Variants in ACSL1 observed in about 807,000 individuals in gnomAD.
ACSL1 encodes the protein acyl-CoA synthetase long chain family member 1.
In ACSL1, 41 loss-of-function variants were observed where a neutral mutation model predicts 98.4. The observed-to-expected ratio is 0.42, with a 90% CI of 0.32 to 0.54. The LOEUF (loss-of-function observed/expected upper bound fraction) is 0.54. Ranked by LOEUF, ACSL1 falls within the 20% of genes least tolerant of loss-of-function variation. The pLI is 0.13. For missense variants in ACSL1, 734 were observed against 883.1 expected (o/e 0.83, Z 2.14); for synonymous variants, 316 against 322.7 (o/e 0.98, Z 0.22).
intron 7 of ACSL1, 138 bp from the exon 8 acceptor site, chr4:184,774,013 T>A: frequency 1.1e-6 from 1 of 911,842 alleles, no homozygotes; most frequent in Non-Finnish European, 1.7e-6. Flanking sequence ...ATTTTCTAAT[T>A]AAAGAAACTA....
chr4:184,756,662 CA>C lies in ACSL1; in HGVS notation c.*462del, dbSNP rs1762154004. 6.5e-6 allele frequency: 1 copy of C among 153,178 alleles called. No individual in the cohort carries two copies. Among genetic ancestry groups the C allele is most frequent in the Non-Finnish European group, 1.5e-5 (1 of 68,472 alleles). 9.5% of individuals were successfully genotyped at this position (153,178 alleles called of 1,614,324 possible). The stretch of plus-strand genomic sequence containing the variant: ...TGGTCCGCTTGTGAGATTCTCCAGC[CA>C]GGACAGTTGTTCTTATTTTTAAAGG... On this transcript the variant is annotated 3_prime_UTR_variant, in exon 21 of 21. Coordinates refer to ENST00000281455, the MANE Select transcript of ACSL1 (RefSeq NM_001995.5).
At chr4:184,792,120 T>G (rs1768476967) in intron 2 of ACSL1, among the ~76,000 whole-genome samples, 1 of 152,078 alleles carries the variant, frequency 6.6e-6, no homozygotes, top group Non-Finnish European at 1.5e-5. Flanking sequence ...TAAATCAAAG[T>G]TAAAGAAGTG....
At chr4:184,777,016 C>T in intron 5 of ACSL1, 33 bp from the exon 6 acceptor site, 1 of 1,572,814 alleles carries the variant, frequency 6.4e-7, no homozygotes, top group Non-Finnish European at 8.7e-7. Flanking sequence ...GGAGAGAAAA[C>T]AGGATGTCAT....
chr4:184,766,939 G>A lies in ACSL1; in HGVS notation c.1129-183C>T, dbSNP rs1333589367. 6.6e-6 allele frequency among the ~76,000 whole-genome samples: 1 copy of A among 152,146 alleles called. No homozygotes were observed. The highest frequency in any genetic ancestry group is 1.5e-5 in the Non-Finnish European group (1 of 68,020). On this transcript the variant is annotated intron_variant, in intron 12 of 20. Coordinates refer to ENST00000281455, the MANE Select transcript of ACSL1 (RefSeq NM_001995.5). This position sits in a 1 kb window ranked among gnomAD's most constrained non-coding sequence, Gnocchi z 4.8. ...CACAGGACAGCAATTCCACACCTCG[G>A]TATACACCCAGGAGCAATGGACACA...
intron 1 of ACSL1, among the ~76,000 whole-genome samples, chr4:184,816,617 T>C (rs966986693): frequency 6.6e-6 from 1 of 152,162 alleles, no homozygotes; most frequent in Non-Finnish European, 1.5e-5. Context: ...TATTCAAAAG[T>C]AGACACAGAA....
chr4:184,792,998 G>A (rs184991281), intron 2 of ACSL1, among the ~76,000 whole-genome samples: 21 of 152,170 alleles, frequency 1.4e-4, no homozygotes, highest in East Asian at 1.4e-3. Context: ...TGGCCCTTAC[G>A]GCCTTCTGAC....
chr4:184,801,818 T>C (rs1770576355), intron 2 of ACSL1, among the ~76,000 whole-genome samples: 1 of 152,250 alleles, frequency 6.6e-6, no homozygotes, highest in African/African-American at 2.4e-5. Flanking sequence ...TATGTAATTA[T>C]TTTAACAAGG....
chr4:184,765,610 T>C (rs1263797589), intron 14 of ACSL1, among the ~76,000 whole-genome samples: 1 of 152,070 alleles, frequency 6.6e-6, no homozygotes, highest in Non-Finnish European at 1.5e-5. Flanking sequence ...CAATGTATCA[T>C]ATACTTGAAA....
intron 1 of ACSL1, among the ~76,000 whole-genome samples, chr4:184,822,257 C>G (rs1194577274): frequency 6.6e-6 from 1 of 152,026 alleles, no homozygotes; most frequent in African/African-American, 2.4e-5. Flanking sequence ...TCCAGATGAT[C>G]ACATCCTTCT....
At chr4:184,761,308 G>C (rs1378846251) in intron 17 of ACSL1, among the ~76,000 whole-genome samples, 1 of 152,202 alleles carries the variant, frequency 6.6e-6, no homozygotes, top group African/African-American at 2.4e-5. Context: ...GCTCTAAATA[G>C]TTTGGGTATT....
chr4:184,760,519 G>T lies in ACSL1; in HGVS notation c.1639-19C>A, dbSNP rs760447509. ...TGCCATTCTGTTGATCAGAGGGGAG[G>T]GGGTTATGAATGGGCTGATGGCTGG... is the stretch of plus-strand genomic sequence containing the variant. On this transcript the variant is annotated intron_variant, in intron 17 of 20. Coordinates refer to ENST00000281455, the MANE Select transcript of ACSL1 (RefSeq NM_001995.5). The T allele has an allele frequency of 6.2e-7, 1 of 1,613,648 alleles. No homozygotes were observed. The highest frequency in any genetic ancestry group is 1.1e-5 in the South Asian group (1 of 91,002).
At chr4:184,806,235 C>T (rs182910174) in intron 1 of ACSL1, among the ~76,000 whole-genome samples, 11 of 152,232 alleles carry the variant, frequency 7.2e-5, no homozygotes, top group Admixed American at 3.3e-4. Context: ...GTACACCAGG[C>T]GGGATAAGCA....
chr4:184,766,613 A>C lies in ACSL1; in HGVS notation c.1263+9T>G. ...TCCATGGGAGCAGTGGCTGTGAGTCACGTGTTACCTGTACTTTGTGGAAGA... is the reference window on the plus strand; with the variant it reads ...TCCATGGGAGCAGTGGCTGTGAGTCCCGTGTTACCTGTACTTTGTGGAAGA... On this transcript the variant is annotated intron_variant, in intron 13 of 20. Coordinates refer to ENST00000281455, the MANE Select transcript of ACSL1 (RefSeq NM_001995.5). The surrounding 1 kb of genome is among the most constrained non-coding windows in gnomAD (Gnocchi z 4.8). 1 of 1,609,892 alleles carries C rather than the reference A, an allele frequency of 6.2e-7. No homozygotes were observed. The highest frequency in any genetic ancestry group is 8.5e-7 in the Non-Finnish European group (1 of 1,176,756).
chr4:184,768,453 A>G lies in ACSL1; in HGVS notation c.994-3T>C, dbSNP rs1348953224. On this transcript the variant is annotated splice_region_variant and splice_polypyrimidine_tract_variant and intron_variant, in intron 11 of 20. Coordinates refer to ENST00000281455, the MANE Select transcript of ACSL1 (RefSeq NM_001995.5). ...GCTCCATGACACAGCATTACACACT[A>G]TAGGGGTAATGGAAAAAACAAACAT... 1 of 1,604,116 alleles carries G rather than the reference A, an allele frequency of 6.2e-7. No individual in the cohort carries two copies. The highest frequency in any genetic ancestry group is 8.5e-7 in the Non-Finnish European group (1 of 1,176,944).
chr4:184,772,295 T>C (rs2150316295), intron 10 of ACSL1, among the ~76,000 whole-genome samples: 1 of 152,350 alleles, frequency 6.6e-6, no homozygotes, highest in South Asian at 2.1e-4. Context: ...AGATCAGTTT[T>C]CTGCAGCCAC....
In ACSL1 at chr4:184,757,706, C is replaced by T. The variant is rs780162121; in HGVS notation, c.1885G>A (p.Asp629Asn). 21 of 1,613,636 alleles carry T rather than the reference C, an allele frequency of 1.3e-5. No individual in the cohort carries two copies. The change falls in exon 20 of 21, where the codon GAT (aspartate) becomes AAT (asparagine). Residue 629 changes from aspartate to asparagine, a missense_variant and splice_region_variant. Coordinates refer to ENST00000281455, the MANE Select transcript of ACSL1 (RefSeq NM_001995.5). The surrounding 1 kb of genome is among the most constrained non-coding windows in gnomAD (Gnocchi z 4.5). Reference protein sequence around the residue: ...GSFEELCRNKDVKKAILEDMV... With the variant: ...GSFEELCRNKNVKKAILEDMV... ...TCTTCGAGGATAGCTTTTTTGACAT[C>T]CTAAAAGGGTAAGAAAAATAAATTA...
At chr4:184,800,697 C>A (rs1770345019) in intron 2 of ACSL1, among the ~76,000 whole-genome samples, 1 of 152,182 alleles carries the variant, frequency 6.6e-6, no homozygotes, top group East Asian at 1.9e-4. Flanking sequence ...GACACAAGGA[C>A]GTGGTTCTCC....
At position 184,776,387 on chromosome 4, in the gene ACSL1, G is replaced by A. The variant is rs79988684; in HGVS notation, c.756+97C>T. ...TGCGGAGGCAACCGGCCAGCGCTGG[G>A]ACTGCACCATAGCACTAGATAGCAC... On this transcript the variant is annotated intron_variant, in intron 7 of 20. Transcript: ENST00000281455. 9.5e-5 allele frequency: 132 copies of A among 1,385,880 alleles called. No homozygotes were observed. In the East Asian group the frequency reaches 2.8e-3, roughly 29 times the overall value. The allele number at this position is 1,385,880 out of a possible 1,614,324, so 85.8% of individuals were successfully genotyped here. A position where few individuals can be genotyped will look rare whatever the true frequency, so the allele number is the denominator to read the frequency against.
chr4:184,783,883 T>G, intron 4 of ACSL1, 44 bp downstream of exon 4: 3 of 1,558,070 alleles, frequency 1.9e-6, no homozygotes, highest in Non-Finnish European at 2.7e-6. Flanking sequence ...GAAGCACCCC[T>G]GCTTGCAAGA....
Sources: gnomAD v4.1 joint callset for allele counts (sites outside exome capture counted in the v4.1 genomes callset) on GRCh38, gnomAD v4.1.1 for gene constraint, Gnocchi (gnomAD v3.1) non-coding constraint, MANE v1.5 for transcripts, NCBI Gene and HGNC (gene_info 2026-07-23, HGNC 2026-07-21) for gene names.